The following CRBN variants were observed in gnomAD, a reference collection of about 807,000 sequenced individuals.
The protein encoded by CRBN is cereblon, also known as protein cereblon.
CRBN carries 53 observed loss-of-function variants against 62.2 expected under a neutral mutation model. The observed-to-expected ratio is 0.85, with a 90% CI of 0.68 to 1.07. CRBN has a LOEUF of 1.07. CRBN is among the 50% of genes least tolerant of loss of function. The pLI is 0.00. For missense variants in CRBN, 616 were observed against 531.1 expected (o/e 1.16, Z -1.57); for synonymous variants, 208 against 176.1 (o/e 1.18, Z -1.43).
At chr3:3,151,921 T>G (rs1706585674) in intron 10 of CRBN, among the ~76,000 whole-genome samples, 2 of 152,230 alleles carry the variant, frequency 1.3e-5, no homozygotes, top group African/African-American at 2.4e-5. Context: ...TCTCCGGTTT[T>G]ACATTACTAC....
In CRBN at chr3:3,150,822, A is replaced by C. The variant is rs376231239; in HGVS notation, c.*43T>G. 1 of 1,566,108 alleles carries C rather than the reference A, an allele frequency of 6.4e-7. No homozygotes were observed. Among genetic ancestry groups the C allele is most frequent in the Non-Finnish European group, 8.7e-7 (1 of 1,148,568 alleles). ...AATAATTTCCAAAGCAGATCTTAGA[A>C]TATAACCAATTTGTTAGATAACTTT... On this transcript the variant is annotated 3_prime_UTR_variant, in exon 11 of 11. Transcript: ENST00000231948.
chr3:3,151,490 A>ACTG (rs1559239139), intron 10 of CRBN, among the ~76,000 whole-genome samples: 1 of 87,720 alleles, frequency 1.1e-5, no homozygotes. Flanking sequence ...ACGTCTCAAA[A>ACTG]AGTAAATATT....
chr3:3,158,583 A>G (rs1385277372), intron 5 of CRBN, among the ~76,000 whole-genome samples: 2 of 152,256 alleles, frequency 1.3e-5, no homozygotes, highest in Non-Finnish European at 2.9e-5. Flanking sequence ...GAGCACATCA[A>G]GTAGCTCTGA....
intron 8 of CRBN, 43 bp downstream of exon 8, chr3:3,153,917 C>A: frequency 8.0e-7 from 1 of 1,242,982 alleles, no homozygotes; most frequent in Non-Finnish European, 1.2e-6. Flanking sequence ...GTTCTCCAGC[C>A]TGAATAAAAC....
At chr3:3,153,868 C>A (rs1706750533) in intron 8 of CRBN, 92 bp downstream of exon 8, 1 of 783,488 alleles carries the variant, frequency 1.3e-6, no homozygotes, top group Admixed American at 1.9e-5. Flanking sequence ...CATTACTGGA[C>A]TCTATACAGA....
intron 1 of CRBN, among the ~76,000 whole-genome samples, chr3:3,175,611 A>G (rs1426362729): frequency 6.6e-6 from 1 of 152,158 alleles, no homozygotes; most frequent in Admixed American, 6.5e-5. Context: ...TTGGTACATT[A>G]CTCTAACTAA....
At chr3:3,171,666 C>T (rs930805394) in intron 4 of CRBN, among the ~76,000 whole-genome samples, 35 of 152,288 alleles carry the variant, frequency 2.3e-4, no homozygotes, top group Non-Finnish European at 4.1e-4. Flanking sequence ...AAGGAGCTAC[C>T]TGACATGTCA....
At chr3:3,156,511 GTCAAACATTAAAATT>G (rs1706900465) in intron 5 of CRBN, 1 of 540,044 alleles carries the variant, frequency 1.9e-6, no homozygotes, top group Non-Finnish European at 3.3e-6. Flanking sequence ...ATTTAAAAAG[GTCAAACATTAAAATT>G]TCAATGCTGA....
chr3:3,150,628 A>AAGCTACCC lies in CRBN; in HGVS notation c.*229_*236dup. The AAGCTACCC allele has an allele frequency of 2.2e-6, 1 of 448,166 alleles. No homozygotes were observed. Among genetic ancestry groups the AAGCTACCC allele is most frequent in the Non-Finnish European group, 4.1e-6 (1 of 242,196 alleles). The allele number at this position is 448,166 out of a possible 1,614,324, so 27.8% of individuals were successfully genotyped here. ...TCAGATTCCACAGGATAATGGCACCAAGCTACCCAAGTAGATGTTTCTGGT... is the reference window on the plus strand; with the variant it reads ...TCAGATTCCACAGGATAATGGCACCAAGCTACCCAGCTACCCAAGTAGATGTTTCTGGT... On this transcript the variant is annotated 3_prime_UTR_variant, in exon 11 of 11. Transcript: ENST00000231948.
At chr3:3,174,697 A>C (rs1280166947) in intron 2 of CRBN, among the ~76,000 whole-genome samples, 2 of 152,186 alleles carry the variant, frequency 1.3e-5, no homozygotes, top group African/African-American at 4.8e-5. Flanking sequence ...TAAACGTGGT[A>C]TATAAGCATC....
rs780346383 is a variant in CRBN, at chr3:3,167,625, G to A, written c.687+9C>T. 3 of 1,611,540 alleles carry A rather than the reference G, an allele frequency of 1.9e-6. No homozygotes were observed. Among genetic ancestry groups the A allele is most frequent in the Non-Finnish European group, 2.5e-6 (3 of 1,178,432 alleles). On this transcript the variant is annotated intron_variant, in intron 5 of 10. Transcript: ENST00000231948. ...TTTTTTGAAGATGCATAAAAAATTA[G>A]TTTCTCACCTTCTGGTATTTCTGCC... is the stretch of plus-strand genomic sequence containing the variant.
intron 5 of CRBN, among the ~76,000 whole-genome samples, chr3:3,157,311 G>C (rs745751923): frequency 2.0e-5 from 3 of 152,120 alleles, no homozygotes; most frequent in East Asian, 1.9e-4. Context: ...AGAATATAAA[G>C]AATTATCACA....
chr3:3,154,626 A>G (rs1205863097), intron 7 of CRBN, 121 bp downstream of exon 7: 1 of 680,782 alleles, frequency 1.5e-6, no homozygotes, highest in Non-Finnish European at 2.6e-6. Flanking sequence ...TATGCTTTTC[A>G]GAATTAAAAT....
intron 1 of CRBN, among the ~76,000 whole-genome samples, chr3:3,176,094 G>C (rs1014291825): frequency 3.3e-5 from 5 of 152,120 alleles, no homozygotes. Context: ...CTCCACTTCA[G>C]GGGTGATGAG....
chr3:3,167,569 T>C, intron 5 of CRBN, 65 bp downstream of exon 5: 1 of 1,492,546 alleles, frequency 6.7e-7, no homozygotes, highest in Non-Finnish European at 9.3e-7. Context: ...TGTTTCTTTC[T>C]TAAAACAGGA....
intron 3 of CRBN, 38 bp downstream of exon 3, chr3:3,174,021 G>A (rs1707730070): frequency 6.5e-7 from 1 of 1,533,654 alleles, no homozygotes. Context: ...TTACCCATGA[G>A]AGGGAATGTA....
At chr3:3,173,386 G>A (rs1306708974) in intron 3 of CRBN, among the ~76,000 whole-genome samples, 2 of 151,986 alleles carry the variant, frequency 1.3e-5, no homozygotes, top group Non-Finnish European at 2.9e-5. Context: ...ATCACATGGG[G>A]GATATACAAG....
intron 5 of CRBN, among the ~76,000 whole-genome samples, chr3:3,164,107 C>A (rs1220941708): frequency 1.3e-5 from 2 of 152,158 alleles, no homozygotes; most frequent in African/African-American, 4.8e-5. Context: ...CCATCTCTCT[C>A]CCTCTCCTCA....
intron 3 of CRBN, 150 bp from the exon 4 acceptor site, chr3:3,173,075 T>A (rs1301388692): frequency 2.8e-6 from 2 of 702,972 alleles, no homozygotes; most frequent in Admixed American, 2.3e-5. Flanking sequence ...TTTATTTGTT[T>A]GAGATGGAGT....
Sources: gnomAD v4.1 joint callset for allele counts (sites outside exome capture counted in the v4.1 genomes callset) on GRCh38, gnomAD v4.1.1 for gene constraint, MANE v1.5 for transcripts, NCBI Gene and HGNC (gene_info 2026-07-23, HGNC 2026-07-21) for gene names.